Variants in COL18A1 observed in about 807,000 individuals in gnomAD.
The protein encoded by COL18A1 is collagen type XVIII alpha 1 chain.
COL18A1 carries 133 observed loss-of-function variants against 168.0 expected under a neutral mutation model. The observed-to-expected ratio is 0.79, with a 90% CI of 0.69 to 0.91. The LOEUF is 0.91. COL18A1 is among the 40% of genes least tolerant of loss of function. COL18A1 has a pLI of 0.00. For synonymous variants in COL18A1, 949 were observed against 809.0 expected (o/e 1.17, Z -2.94); for missense variants, 2,126 against 1,925.4 (o/e 1.10, Z -1.95).
intron 2 of COL18A1, among the ~76,000 whole-genome samples, chr21:45,430,257 C>T (rs1183745959): frequency 2.6e-5 from 4 of 152,300 alleles, no homozygotes; most frequent in East Asian, 1.9e-4. Context: ...GTTTGGGGGC[C>T]GCCATCTTTC....
Position 45,498,283 on chromosome 21 carries a change from T to C in COL18A1, c.2683+622T>C. On this transcript the variant is annotated intron_variant, in intron 32 of 41. Transcript: ENST00000651438. The surrounding 1 kb of genome is among the most constrained non-coding windows in gnomAD (Gnocchi z 4.5). ...GAGAGCCAGGCTAGCCTCGGGCGCCTTTCACCACCAGGGTCCCCTCTCGCC... is the reference window on the plus strand; with the variant it reads ...GAGAGCCAGGCTAGCCTCGGGCGCCCTTCACCACCAGGGTCCCCTCTCGCC... The C allele has an allele frequency of 1.4e-6, 1 of 708,256 alleles. No homozygotes were observed. The highest frequency in any genetic ancestry group is 1.5e-5 in the South Asian group (1 of 67,552). 43.9% of individuals were successfully genotyped at this position (708,256 alleles called of 1,614,324 possible).
chr21:45,480,434 A>G (rs1172963859), intron 11 of COL18A1, 33 bp from the exon 12 acceptor site: 10 of 1,613,936 alleles, frequency 6.2e-6, no homozygotes, highest in Admixed American at 1.7e-5. Context: ...GGCCGAGCTC[A>G]GGGCAACGTG....
chr21:45,479,106 G>T (rs1307691270), intron 9 of COL18A1, among the ~76,000 whole-genome samples: 1 of 152,088 alleles, frequency 6.6e-6, no homozygotes, highest in Admixed American at 6.5e-5. Flanking sequence ...TGATCCACGG[G>T]GCCCACCCAC....
At chr21:45,511,288 G>A in intron 41 of COL18A1, 62 bp downstream of exon 41, 1 of 872,468 alleles carries the variant, frequency 1.1e-6, no homozygotes, top group Non-Finnish European at 1.9e-6. Context: ...CGGGCGGGCG[G>A]GCTCCTATCT....
chr21:45,480,563 C>T (rs2035856588), intron 12 of COL18A1, 43 bp downstream of exon 12: 1 of 1,613,982 alleles, frequency 6.2e-7, no homozygotes, highest in African/African-American at 1.3e-5. Flanking sequence ...TGTCTGTGCC[C>T]ATGAGGAACA....
chr21:45,428,908 T>C (rs557436519), intron 2 of COL18A1, among the ~76,000 whole-genome samples: 2 of 150,912 alleles, frequency 1.3e-5, no homozygotes, highest in South Asian at 2.1e-4. Flanking sequence ...CTTTTCTTTT[T>C]TTTTTTTTAA....
chr21:45,406,595 C>T (rs1255696495), intron 2 of COL18A1, among the ~76,000 whole-genome samples: 1 of 152,160 alleles, frequency 6.6e-6, no homozygotes, highest in Non-Finnish European at 1.5e-5. Context: ...GCTCCATCCC[C>T]ACAGCGGCCC....
intron 25 of COL18A1, 58 bp downstream of exon 25, chr21:45,493,283 C>T: frequency 6.5e-7 from 1 of 1,532,956 alleles, no homozygotes; most frequent in Non-Finnish European, 8.8e-7. Flanking sequence ...TGGCTCCAGC[C>T]TGCCCAGATG....
At position 45,487,432 on chromosome 21, in the gene COL18A1, G is replaced by A. The variant is rs191917454; in HGVS notation, c.1834-15G>A. The A allele has an allele frequency of 7.6e-5, 123 of 1,612,338 alleles. 1 individual carries two copies. The East Asian group carries it at 1.2e-3, about 15-fold the overall frequency. On this transcript the variant is annotated splice_polypyrimidine_tract_variant and intron_variant, in intron 16 of 41. Coordinates refer to ENST00000651438, the MANE Select transcript of COL18A1 (RefSeq NM_001379500.1). The stretch of plus-strand genomic sequence containing the variant: ...AGGGACACAGGCCCCTACGTGTCTC[G>A]TGTGTCTCTTCCAGGATGACATGGA...
rs538190593 is a variant in COL18A1, at chr21:45,493,058, G to A, written c.2215-105G>A. The A allele has an allele frequency of 2.1e-4, 253 of 1,209,720 alleles. 4 individuals carry two copies. The South Asian group carries it at 2.7e-3, about 13-fold the overall frequency. The allele number at this position is 1,209,720 out of a possible 1,614,324, so 74.9% of individuals were successfully genotyped here. The stretch of plus-strand genomic sequence containing the variant: ...CGCGAGGGGCCCTGGTCGGGCTGTC[G>A]AGGCAGGCATATTGCGGGGGGCAGC... On this transcript the variant is annotated intron_variant, in intron 24 of 41. Transcript: ENST00000651438.
At position 45,493,561 on chromosome 21, in the gene COL18A1, C is replaced by T. The variant is rs786205554; in HGVS notation, c.2338C>T (p.Gln780Ter). 6.4e-7 allele frequency: 1 copy of T among 1,555,136 alleles called. No individual in the cohort carries two copies. Among genetic ancestry groups the T allele is most frequent in the Non-Finnish European group, 8.7e-7 (1 of 1,149,942 alleles). ...SPDGGALGPA[Q>*]KGAKGEPGFR... is the part of the protein sequence containing the mutation. ...CGACGGCGGTGCCCTGGGCCCTGCCCAGAAAGGAGCCAAGGTGAGGGCCGG... is the reference window on the plus strand; with the variant it reads ...CGACGGCGGTGCCCTGGGCCCTGCCTAGAAAGGAGCCAAGGTGAGGGCCGG... Residue 780 changes from glutamine (Q) to a stop codon, truncating the protein, a stop_gained, in exon 26 of 42, where the codon CAG (glutamine) becomes TAG (stop). Transcript: ENST00000651438. LOFTEE classifies it high-confidence loss of function.
At chr21:45,467,328 G>T in intron 2 of COL18A1, 2 of 985,440 alleles carry the variant, frequency 2.0e-6, no homozygotes, top group Non-Finnish European at 1.2e-6. Context: ...GTCAAGCTCC[G>T]CCTGGGCAGG....
intron 7 of COL18A1, 22 bp from the exon 8 acceptor site, chr21:45,477,728 C>T: frequency 1.3e-6 from 2 of 1,524,376 alleles, no homozygotes; most frequent in Non-Finnish European, 1.8e-6. Context: ...CAGCCCGAGC[C>T]CTGTGTTCTG....
rs114675024 is a variant in COL18A1 at position 45,458,456 on chromosome 21, C to T, written c.107-9786C>T. On this transcript the variant is annotated intron_variant, in intron 2 of 41. Coordinates refer to ENST00000651438, the MANE Select transcript of COL18A1 (RefSeq NM_001379500.1). ...TGGCATCTCAGGGCTTAGATGTCAC[C>T]CCCAGGGCAGCTGGCACTGCCACAA... is the stretch of plus-strand genomic sequence containing the variant. Among the ~76,000 whole-genome samples the T allele has an allele frequency of 5.8e-3, 885 of 152,138 alleles. 10 individuals carry two copies. Among genetic ancestry groups the T allele is most frequent in the African/African-American group, 0.02 (832 of 41,492 alleles).
chr21:45,476,012 G>C (rs746951594), intron 5 of COL18A1, among the ~76,000 whole-genome samples: 34 of 152,332 alleles, frequency 2.2e-4, no homozygotes, highest in South Asian at 1.9e-3. Flanking sequence ...CTGAGGCGCG[G>C]TGCTGTCCGT....
chr21:45,456,546 C>T (rs1360036258), intron 2 of COL18A1: 31 of 1,547,802 alleles, frequency 2.0e-5, no homozygotes, highest in Non-Finnish European at 2.5e-5. Flanking sequence ...CCCCTGCCAC[C>T]CTCCCTGCCA....
At chr21:45,483,499 G>A (rs1341828413) in intron 15 of COL18A1, among the ~76,000 whole-genome samples, 2 of 152,010 alleles carry the variant, frequency 1.3e-5, no homozygotes, top group South Asian at 2.1e-4. Flanking sequence ...TCTGTTCTGC[G>A]GAAATTGAGC....
At chr21:45,495,646 G>A (rs554815527) in intron 29 of COL18A1, 47 of 569,450 alleles carry the variant, frequency 8.3e-5, no homozygotes, top group Non-Finnish European at 1.0e-4. Context: ...ATATATGGCC[G>A]TACTCATACA....
Position 45,480,124 on chromosome 21 carries a change from CCCCCAGGA to C in COL18A1, c.1370_1377del (p.Pro457LeufsTer11), listed in dbSNP as rs2035841272. On this transcript the variant is annotated frameshift_variant, in exon 11 of 42. Coordinates refer to ENST00000651438, the MANE Select transcript of COL18A1 (RefSeq NM_001379500.1). LOFTEE classifies it high-confidence loss of function. Reference sequence around the variant, plus strand: ...CCCAGGACCCCAAGGGCCTCCAGGGCCCCCAGGACCCTCCTTCAGACACGACAAGCTGG... The same window carrying C: ...CCCAGGACCCCAAGGGCCTCCAGGGCCCCTCCTTCAGACACGACAAGCTGG... 1 of 1,593,820 alleles carries C rather than the reference CCCCCAGGA, an allele frequency of 6.3e-7. No homozygotes were observed. The highest frequency in any genetic ancestry group is 1.7e-5 in the Admixed American group (1 of 59,796).
Sources: gnomAD v4.1 joint callset for allele counts (sites outside exome capture counted in the v4.1 genomes callset) on GRCh38, gnomAD v4.1.1 for gene constraint, Gnocchi (gnomAD v3.1) non-coding constraint, MANE v1.5 for transcripts, NCBI Gene and HGNC (gene_info 2026-07-23, HGNC 2026-07-21) for gene names.